The following CFH variants were observed in gnomAD, a reference collection of about 807,000 sequenced individuals.
CFH encodes the protein complement factor H, also known as H factor 1 (complement).
In CFH, 53 loss-of-function variants were observed where a neutral mutation model predicts 147.3. The ratio of observed to expected loss-of-function variants is 0.36; its 90% CI spans 0.29 to 0.45. The LOEUF is 0.45. Among genes scored for constraint, CFH ranks in the 20% least tolerant of loss-of-function variants. CFH has a pLI of 1.00. For synonymous variants in CFH, 536 were observed against 489.4 expected (o/e 1.10, Z -1.26); for missense variants, 1,380 against 1,498.0 (o/e 0.92, Z 1.30).
rs772175848 is a variant in CFH, at chr1:196,727,248, C to T, written c.2236+308C>T. 3.7e-4 allele frequency among the ~76,000 whole-genome samples: 57 copies of T among 152,214 alleles called. 1 individual carries two copies. The highest frequency in any genetic ancestry group is 9.2e-4 in the Admixed American group (14 of 15,262). On this transcript the variant is annotated intron_variant, in intron 14 of 21. Coordinates refer to ENST00000367429, the MANE Select transcript of CFH (RefSeq NM_000186.4). Reference sequence around the variant, plus strand: ...CCAGGGTGGTTGCTCACGCCTATAACCTCAACACTTCAGGAGGCCAAGGCA... The same window carrying T: ...CCAGGGTGGTTGCTCACGCCTATAATCTCAACACTTCAGGAGGCCAAGGCA...
rs34807691 is a variant in CFH, at chr1:196,738,206, T to C, written c.2782+546T>C. ...GAGTCCCTCCCACAAAACATGGAGA[T>C]TATGGGAAGTACAATTCAAATTGTT... is the stretch of plus-strand genomic sequence containing the variant. On this transcript the variant is annotated intron_variant, in intron 17 of 21. Coordinates refer to ENST00000367429, the MANE Select transcript of CFH (RefSeq NM_000186.4). Among the ~76,000 whole-genome samples, 848 of 152,272 alleles carry C rather than the reference T, an allele frequency of 5.6e-3. 19 individuals are homozygous for C. Among genetic ancestry groups the C allele is most frequent in the Non-Finnish European group, 6.0e-3 (410 of 68,026 alleles).
chr1:196,727,071 C>A (rs1669160370), intron 14 of CFH, 131 bp downstream of exon 14: 3 of 759,272 alleles, frequency 4.0e-6, no homozygotes, highest in African/African-American at 3.5e-5. Flanking sequence ...TGAGACCAAT[C>A]TTTTGCATAT....
intron 6 of CFH, among the ~76,000 whole-genome samples, chr1:196,684,857 C>T (rs1667770977): frequency 6.6e-6 from 1 of 151,744 alleles, no homozygotes; most frequent in Admixed American, 6.6e-5. Flanking sequence ...ATTAAGAGCC[C>T]AGGAGGTACA....
chr1:196,707,001 C>A (rs1390916489), intron 9 of CFH, among the ~76,000 whole-genome samples: 1 of 152,116 alleles, frequency 6.6e-6, no homozygotes, highest in African/African-American at 2.4e-5. Flanking sequence ...GAGAAGATTA[C>A]CCTCAGGTTT....
chr1:196,687,112 G>C (rs1232468085), intron 7 of CFH, among the ~76,000 whole-genome samples: 1 of 152,052 alleles, frequency 6.6e-6, no homozygotes, highest in Non-Finnish European at 1.5e-5. Flanking sequence ...TTGACTCTAA[G>C]ATCCTGGACT....
At chr1:196,719,722 A>G (rs1345858021) in intron 11 of CFH, among the ~76,000 whole-genome samples, 1 of 151,636 alleles carries the variant, frequency 6.6e-6, no homozygotes, top group East Asian at 1.9e-4. Flanking sequence ...TAAACATGTA[A>G]GAGATAATTT....
intron 10 of CFH, among the ~76,000 whole-genome samples, chr1:196,715,209 A>G (rs902609274): frequency 2.6e-5 from 4 of 152,132 alleles, no homozygotes; most frequent in Middle Eastern, 3.4e-3. Flanking sequence ...TCCTTTTTAC[A>G]TATGTCTCAA....
In CFH at chr1:196,658,407, A is replaced by ATTTTTTTTTTTTTTTTTTTTTTTTTTT. The variant is rs549213437; in HGVS notation, c.58+6254_58+6255insTTTTTTTTTTTTTTTTTTTTTTTTTTT. Among the ~76,000 whole-genome samples the ATTTTTTTTTTTTTTTTTTTTTTTTTTT allele has an allele frequency of 1.2e-4, 11 of 92,254 alleles. 2 individuals carry two copies. Among genetic ancestry groups the ATTTTTTTTTTTTTTTTTTTTTTTTTTT allele is most frequent in the Middle Eastern group, 4.4e-3 (1 of 228 alleles). The allele number at this position is 92,254 out of a possible 152,430, so 60.5% of individuals were successfully genotyped here. ...GGATTACAGCCACCTTGCTCAGGTA[A>ATTTTTTTTTTTTTTTTTTTTTTTTTTT]TTTTTTTTTTTTTTTTTTTTTTGAG... On this transcript the variant is annotated intron_variant, in intron 1 of 21. Coordinates refer to ENST00000367429, the MANE Select transcript of CFH (RefSeq NM_000186.4).
Position 196,679,792 on chromosome 1 carries a change from A to G in CFH, c.789A>G (p.Glu263=), listed in dbSNP as rs771994594. 6.2e-7 allele frequency: 1 copy of G among 1,609,314 alleles called. No individual in the cohort carries two copies. Among genetic ancestry groups the G allele is most frequent in the Admixed American group, 1.7e-5 (1 of 59,750 alleles). The change falls in exon 6 of 22, where the codon GAA becomes GAG. Residue 263 remains glutamate (E), a splice_region_variant and synonymous_variant. Coordinates refer to ENST00000367429, the MANE Select transcript of CFH (RefSeq NM_000186.4). ...GATGGCGTCCGTTGCCTTCATGTGA[A>G]GGTAATGTTACCTTTATTTTCTGGA... The part of the protein sequence containing the change: ...ESGWRPLPSC[E]EKSCDNPYIP...
intron 1 of CFH, among the ~76,000 whole-genome samples, chr1:196,671,760 G>GATAT (rs4044888): frequency 2.0e-3 from 300 of 148,750 alleles, no homozygotes; most frequent in African/African-American, 6.4e-3. Context: ...GTGAGCATAT[G>GATAT]ATATATATAT....
Position 196,747,327 on chromosome 1 carries a change from G to A in CFH, c.*14G>A, listed in dbSNP as rs463726. The A allele has an allele frequency of 1.5e-5, 25 of 1,613,920 alleles. No homozygotes were observed. The highest frequency in any genetic ancestry group is 8.9e-5 in the East Asian group (4 of 44,868). On this transcript the variant is annotated 3_prime_UTR_variant, in exon 22 of 22. Coordinates refer to ENST00000367429, the MANE Select transcript of CFH (RefSeq NM_000186.4). ...GCAAAAAGATAGAATCAATCATAAA[G>A]TGCACACCTTTATTCAGAACTTTAG... is the stretch of plus-strand genomic sequence containing the variant.
intron 15 of CFH, among the ~76,000 whole-genome samples, chr1:196,729,535 A>AT (rs1669232941): frequency 6.6e-6 from 1 of 151,438 alleles, no homozygotes; most frequent in African/African-American, 2.4e-5. Context: ...TCATCAGGGG[A>AT]TTTTGCCTGT....
In CFH at chr1:196,737,404, G is replaced by C. The variant is rs893733456; in HGVS notation, c.2597-71G>C. 4 of 1,071,670 alleles carry C rather than the reference G, an allele frequency of 3.7e-6. No homozygotes were observed. The Admixed American group carries it at 8.0e-5, about 22-fold the overall frequency. The allele number at this position is 1,071,670 out of a possible 1,614,324, so 66.4% of individuals were successfully genotyped here. On this transcript the variant is annotated intron_variant, in intron 16 of 21. Transcript: ENST00000367429. Reference sequence around the variant, plus strand: ...TATACTCACTTTAAAATCCGAAATAGTATTTAGTTTTATATTTCAATTTAA... The same window carrying C: ...TATACTCACTTTAAAATCCGAAATACTATTTAGTTTTATATTTCAATTTAA...
intron 9 of CFH, among the ~76,000 whole-genome samples, chr1:196,692,190 C>A (rs113520959): frequency 3.3e-5 from 5 of 152,148 alleles, no homozygotes; most frequent in African/African-American, 1.2e-4. Context: ...AGTGCAATGT[C>A]GCGATCTCGC....
chr1:196,735,849 A>C (rs138496135), intron 15 of CFH, among the ~76,000 whole-genome samples: 14 of 152,228 alleles, frequency 9.2e-5, no homozygotes, highest in Non-Finnish European at 1.9e-4. Context: ...CATTATCAAT[A>C]ACCTTTAATG....
intron 15 of CFH, among the ~76,000 whole-genome samples, chr1:196,732,426 T>C (rs1030117393): frequency 3.9e-5 from 6 of 152,058 alleles, no homozygotes; most frequent in African/African-American, 2.4e-5. Flanking sequence ...TTTATGACCA[T>C]TATTTTGAAT....
chr1:196,677,395 A>C, intron 4 of CFH, 81 bp from the exon 5 acceptor site: 2 of 1,261,768 alleles, frequency 1.6e-6, no homozygotes, highest in Non-Finnish European at 2.3e-6. Flanking sequence ...TCTTATCCTG[A>C]GGATGATTTT....
At chr1:196,654,349 A>T (rs927783894) in intron 1 of CFH, among the ~76,000 whole-genome samples, 7 of 152,058 alleles carry the variant, frequency 4.6e-5, no homozygotes, top group Non-Finnish European at 1.0e-4. Context: ...TTCTTTTTTT[A>T]ATATATTGGG....
At position 196,743,340 on chromosome 1, in the gene CFH, G is replaced by A. The variant is rs1558185649; in HGVS notation, c.3134-112G>A. 13 of 1,423,042 alleles carry A rather than the reference G, an allele frequency of 9.1e-6. No homozygotes were observed. In the South Asian group the frequency reaches 1.1e-4, roughly 12 times the overall value. The allele number at this position is 1,423,042 out of a possible 1,614,324, so 88.2% of individuals were successfully genotyped here. A position where few individuals can be genotyped will look rare whatever the true frequency, so the allele number is the denominator to read the frequency against. On this transcript the variant is annotated intron_variant, in intron 19 of 21. Transcript: ENST00000367429. ...TATTAAAATCAACAAAATATTTGAT[G>A]AGATTGTCTACTTATTTTAAATTCG...
Sources: allele counts gnomAD v4.1 joint callset (sites outside exome capture counted in the v4.1 genomes callset), GRCh38; gene constraint gnomAD v4.1.1; transcripts MANE v1.5; gene names NCBI Gene and HGNC (gene_info 2026-07-23, HGNC 2026-07-21).